Variants in GRIK2 observed in about 807,000 individuals in gnomAD.
GRIK2 encodes glutamate receptor ionotropic, kainate 2.
GRIK2 carries 32 observed loss-of-function variants against 100.3 expected under a neutral mutation model. That is an observed-to-expected ratio of 0.32 (90% CI 0.24 to 0.43). The LOEUF is 0.43. Among genes scored for constraint, GRIK2 ranks in the 20% least tolerant of loss-of-function variants. The probability of loss-of-function intolerance (pLI) is 1.00; values close to 1 mark genes in which losing one functional copy is unlikely to be tolerated. For missense variants in GRIK2, 843 were observed against 1,114.9 expected (o/e 0.76, Z 3.47); for synonymous variants, 417 against 389.4 (o/e 1.07, Z -0.83).
intron 15 of GRIK2, among the ~76,000 whole-genome samples, chr6:102,047,064 G>A (rs1227207262): frequency 6.6e-6 from 1 of 152,052 alleles, no homozygotes; most frequent in East Asian, 1.9e-4. Context: ...AGCAAAAGCA[G>A]TTCTATAAGG....
chr6:101,586,347 A>G (rs1368497691), intron 2 of GRIK2, among the ~76,000 whole-genome samples: 2 of 152,144 alleles, frequency 1.3e-5, no homozygotes, highest in Non-Finnish European at 2.9e-5. Flanking sequence ...TACACAGCAT[A>G]TAATGTATAC....
intron 2 of GRIK2, among the ~76,000 whole-genome samples, chr6:101,542,845 C>CT (rs1415285931): frequency 2.0e-5 from 3 of 151,880 alleles, no homozygotes; most frequent in Non-Finnish European, 4.4e-5. Context: ...TAATTATGCC[C>CT]TTTTTTTGTT....
At chr6:101,828,084 C>T (rs528490157) in intron 10 of GRIK2, among the ~76,000 whole-genome samples, 1 of 151,972 alleles carries the variant, frequency 6.6e-6, no homozygotes, top group Non-Finnish European at 1.5e-5. Context: ...AGCATCTTCT[C>T]AGAGCACAGT....
At chr6:101,447,157 A>G (rs957396210) in intron 2 of GRIK2, among the ~76,000 whole-genome samples, 3 of 151,386 alleles carry the variant, frequency 2.0e-5, no homozygotes, top group African/African-American at 7.3e-5. Flanking sequence ...TAAAGCATTA[A>G]TATCTCATTG....
intron 8 of GRIK2, 61 bp from the exon 9 acceptor site, chr6:101,802,270 A>G: frequency 3.3e-6 from 2 of 610,534 alleles, no homozygotes; most frequent in Non-Finnish European, 5.6e-6. Flanking sequence ...TACTTTTGTG[A>G]AAAAATGTTT....
chr6:101,555,760 CTT>C (rs1401087902), intron 2 of GRIK2, among the ~76,000 whole-genome samples: 3 of 152,026 alleles, frequency 2.0e-5, no homozygotes, highest in Non-Finnish European at 4.4e-5. Flanking sequence ...TGCATTTGAT[CTT>C]TTTGATTGCA....
chr6:101,570,796 G>T (rs1777491334), intron 2 of GRIK2, among the ~76,000 whole-genome samples: 2 of 152,148 alleles, frequency 1.3e-5, no homozygotes, highest in Admixed American at 1.3e-4. Context: ...CCTTGGATGG[G>T]AGTCTTGACT....
intron 11 of GRIK2, among the ~76,000 whole-genome samples, chr6:101,881,151 T>A (rs1293549125): frequency 6.6e-6 from 1 of 151,910 alleles, no homozygotes; most frequent in Non-Finnish European, 1.5e-5. Context: ...TTGTTTATAG[T>A]TGTGTTTTAT....
chr6:101,622,139 C>G, intron 3 of GRIK2, 23 bp downstream of exon 3: 1 of 1,422,836 alleles, frequency 7.0e-7, no homozygotes, highest in Non-Finnish European at 9.7e-7. Flanking sequence ...TTTTTAACAT[C>G]TTTGTTTCCT....
chr6:101,707,882 C>T (rs760123942), intron 7 of GRIK2, among the ~76,000 whole-genome samples: 1 of 151,526 alleles, frequency 6.6e-6, no homozygotes, highest in Non-Finnish European at 1.5e-5. Flanking sequence ...GATGAAAGCT[C>T]AATAACGGGT....
intron 2 of GRIK2, among the ~76,000 whole-genome samples, chr6:101,482,415 A>G (rs1359699075): frequency 6.6e-6 from 1 of 152,134 alleles, no homozygotes; most frequent in Non-Finnish European, 1.5e-5. Context: ...ATGGGGATCC[A>G]CACTGGGCAG....
chr6:101,843,816 A>C (rs1390031427), intron 10 of GRIK2, among the ~76,000 whole-genome samples: 1 of 152,208 alleles, frequency 6.6e-6, no homozygotes, highest in Non-Finnish European at 1.5e-5. Context: ...ATTGTAAAAA[A>C]TTTAAGTTTA....
In GRIK2 at chr6:101,676,662, G is replaced by C; in HGVS notation, c.581G>C (p.Arg194Thr). 3 of 1,600,506 alleles carry C rather than the reference G, an allele frequency of 1.9e-6. No individual in the cohort carries two copies. Among genetic ancestry groups the C allele is most frequent in the Non-Finnish European group, 2.6e-6 (3 of 1,172,238 alleles). Reference sequence around the variant, plus strand: ...CAAGAGCTCATCAAAGCTCCATCAAGGTATAATCTTCGACTCAAAATTCGT... The same window carrying C: ...CAAGAGCTCATCAAAGCTCCATCAACGTATAATCTTCGACTCAAAATTCGT... ...RLQELIKAPSRYNLRLKIRQL... is the reference protein window; with the variant it reads ...RLQELIKAPSTYNLRLKIRQL... The change falls in exon 5 of 17, where the codon AGG becomes ACG. Residue 194 changes from arginine (R) to threonine (T), a missense_variant. Coordinates refer to ENST00000369134, the MANE Select transcript of GRIK2 (RefSeq NM_021956.5).
At chr6:101,723,253 A>G in intron 7 of GRIK2, among the ~76,000 whole-genome samples, 1 of 152,186 alleles carries the variant, frequency 6.6e-6, no homozygotes, top group East Asian at 1.9e-4. Context: ...AGTGTTTCAC[A>G]AAAAATAAAT....
At chr6:101,547,242 G>A (rs905921408) in intron 2 of GRIK2, among the ~76,000 whole-genome samples, 2 of 152,126 alleles carry the variant, frequency 1.3e-5, no homozygotes, top group South Asian at 2.1e-4. Context: ...CAAAGGATGA[G>A]CGTAATATTT....
intron 2 of GRIK2, among the ~76,000 whole-genome samples, chr6:101,538,444 T>C (rs1396043927): frequency 1.3e-5 from 2 of 151,726 alleles, no homozygotes; most frequent in Non-Finnish European, 3.0e-5. Context: ...AGTAAAGTTT[T>C]AATTGCTTAT....
intron 4 of GRIK2, among the ~76,000 whole-genome samples, chr6:101,638,279 T>C (rs1265724343): frequency 6.6e-6 from 1 of 151,022 alleles, no homozygotes; most frequent in Non-Finnish European, 1.5e-5. Flanking sequence ...GTAAACAAAA[T>C]AGATAAAAAT....
chr6:101,475,163 A>C (rs1296628641), intron 2 of GRIK2, among the ~76,000 whole-genome samples: 2 of 151,888 alleles, frequency 1.3e-5, no homozygotes, highest in African/African-American at 4.8e-5. Flanking sequence ...ACATATTTAA[A>C]GGCTAATATG....
At chr6:101,420,136 A>G (rs1776344253) in intron 2 of GRIK2, among the ~76,000 whole-genome samples, 2 of 152,224 alleles carry the variant, frequency 1.3e-5, no homozygotes, top group African/African-American at 4.8e-5. Flanking sequence ...TCCAATCCTC[A>G]GAGCAAGTTG....
Sources: allele counts gnomAD v4.1 joint callset (sites outside exome capture counted in the v4.1 genomes callset), GRCh38; gene constraint gnomAD v4.1.1; transcripts MANE v1.5; gene names NCBI Gene and HGNC (gene_info 2026-07-23, HGNC 2026-07-21).